The following CACNA2D1 variants were observed in gnomAD, a reference collection of about 807,000 sequenced individuals.
CACNA2D1 encodes the protein voltage-dependent calcium channel subunit alpha-2/delta-1.
Under a neutral mutation model 171.5 loss-of-function variants are expected in CACNA2D1, and 53 were observed. That is an observed-to-expected ratio of 0.31 (90% CI 0.25 to 0.39). CACNA2D1 has a LOEUF of 0.39. Ranked by LOEUF, CACNA2D1 falls within the 10% of genes least tolerant of loss-of-function variation. The pLI, the probability that CACNA2D1 is intolerant of heterozygous loss-of-function variation, is 1.00. For synonymous variants in CACNA2D1, 442 were observed against 443.1 expected (o/e 1.00, Z 0.03); for missense variants, 903 against 1,299.8 (o/e 0.69, Z 4.69).
At chr7:82,026,316 C>T (rs755144009) in intron 12 of CACNA2D1, among the ~76,000 whole-genome samples, 1 of 151,286 alleles carries the variant, frequency 6.6e-6, no homozygotes, top group Non-Finnish European at 1.5e-5. Flanking sequence ...TTATTAATGT[C>T]ATTTTGTTAT....
At chr7:82,138,449 G>GTTTTTTTTTTTTTTTT (rs5885271) in intron 4 of CACNA2D1, among the ~76,000 whole-genome samples, 2 of 101,578 alleles carry the variant, frequency 2.0e-5, no homozygotes, top group Admixed American at 1.1e-4. Flanking sequence ...TGTTTTTTTT[G>GTTTTTTTTTTTTTTTT]TTTTTTTTTT....
chr7:81,974,986 A>G (rs1327040575), intron 24 of CACNA2D1, among the ~76,000 whole-genome samples: 1 of 152,054 alleles, frequency 6.6e-6, no homozygotes, highest in Non-Finnish European at 1.5e-5. Context: ...TACCAATGCA[A>G]CAAACCTGCA....
intron 3 of CACNA2D1, among the ~76,000 whole-genome samples, chr7:82,256,430 T>C (rs1585238194): frequency 6.6e-6 from 1 of 152,242 alleles, no homozygotes; most frequent in African/African-American, 2.4e-5. Context: ...TCTTACATTG[T>C]ACAATTCATT....
intron 3 of CACNA2D1, among the ~76,000 whole-genome samples, chr7:82,182,894 G>A (rs571485760): frequency 1.3e-4 from 19 of 151,972 alleles, no homozygotes; most frequent in African/African-American, 3.4e-4. Context: ...AAAATTAGCC[G>A]GGTATGGTGG....
At chr7:82,192,820 A>C (rs1042431253) in intron 3 of CACNA2D1, among the ~76,000 whole-genome samples, 8 of 148,544 alleles carry the variant, frequency 5.4e-5, no homozygotes, top group Non-Finnish European at 8.9e-5. Context: ...CACACACACA[A>C]ACACTATACA....
chr7:81,959,460 T>C (rs1292709609), intron 37 of CACNA2D1, 103 bp from the exon 38 acceptor site: 1 of 829,190 alleles, frequency 1.2e-6, no homozygotes, highest in Non-Finnish European at 2.1e-6. Flanking sequence ...AGATAACTTA[T>C]ACATCATTAC....
intron 12 of CACNA2D1, among the ~76,000 whole-genome samples, chr7:82,030,240 C>G (rs897421488): frequency 6.6e-6 from 1 of 151,612 alleles, no homozygotes; most frequent in African/African-American, 2.4e-5. Flanking sequence ...ATAAATTCTT[C>G]ACTAATTCAA....
At chr7:82,426,908 G>C (rs527429609) in intron 1 of CACNA2D1, among the ~76,000 whole-genome samples, 12 of 152,312 alleles carry the variant, frequency 7.9e-5, no homozygotes, top group African/African-American at 2.6e-4. Context: ...GAGAGGGAGA[G>C]AGACCACCTC....
chr7:82,289,010 T>G (rs1007866724), intron 3 of CACNA2D1, among the ~76,000 whole-genome samples: 2 of 152,112 alleles, frequency 1.3e-5, no homozygotes, highest in African/African-American at 2.4e-5. Context: ...CCACTACCTA[T>G]CAGAAAGTCA....
Position 82,413,299 on chromosome 7 carries a change from G to A in CACNA2D1, c.95+30066C>T, listed in dbSNP as rs565173647. Among the ~76,000 whole-genome samples, 4 of 152,266 alleles carry A rather than the reference G, an allele frequency of 2.6e-5. No homozygotes were observed. The South Asian group carries it at 6.2e-4, about 24-fold the overall frequency. ...TATTTAACATTTACCCAAGGAAAAT[G>A]GGTTATCAGCAAGTTTATTTCTACT... is the stretch of plus-strand genomic sequence containing the variant. On this transcript the variant is annotated intron_variant, in intron 1 of 38. Coordinates refer to ENST00000356860, the MANE Select transcript of CACNA2D1 (RefSeq NM_000722.4).
intron 1 of CACNA2D1, among the ~76,000 whole-genome samples, chr7:82,364,422 T>C (rs1378102845): frequency 1.3e-5 from 2 of 152,164 alleles, no homozygotes; most frequent in African/African-American, 4.8e-5. Flanking sequence ...GTAAAAGCCC[T>C]GACTGGTTAA....
intron 1 of CACNA2D1, among the ~76,000 whole-genome samples, chr7:82,374,471 C>G (rs75126037): frequency 0.21 from 31,182 of 152,078 alleles, 3,340 homozygotes; most frequent in South Asian, 0.35. Flanking sequence ...CACATCCACA[C>G]GCACACACCC....
chr7:81,980,783 C>G (rs1399543678), intron 24 of CACNA2D1, among the ~76,000 whole-genome samples: 10 of 152,030 alleles, frequency 6.6e-5, no homozygotes, highest in African/African-American at 2.2e-4. Context: ...TACGACAGAA[C>G]TGGCAAGACT....
intron 3 of CACNA2D1, among the ~76,000 whole-genome samples, chr7:82,291,446 T>A (rs1309544368): frequency 2.9e-5 from 4 of 136,278 alleles, no homozygotes; most frequent in African/African-American, 1.1e-4. Context: ...ATATATATTT[T>A]TATTATATAT....
intron 11 of CACNA2D1, among the ~76,000 whole-genome samples, chr7:82,033,391 A>G (rs1292339836): frequency 6.6e-6 from 1 of 152,088 alleles, no homozygotes; most frequent in Non-Finnish European, 1.5e-5. Context: ...AGTTTATTAA[A>G]AAAATGAGCT....
intron 3 of CACNA2D1, among the ~76,000 whole-genome samples, chr7:82,234,466 C>T (rs552099631): frequency 3.9e-5 from 6 of 152,040 alleles, no homozygotes; most frequent in Non-Finnish European, 8.8e-5. Flanking sequence ...TACCTATTTA[C>T]ATAAAAAATT....
chr7:82,217,634 TCA>T (rs71522607), intron 3 of CACNA2D1, among the ~76,000 whole-genome samples: 44,828 of 139,900 alleles, frequency 0.32, 7,151 homozygotes, highest in Middle Eastern at 0.47. Flanking sequence ...TGGCACAGTT[TCA>T]CACACACACA....
chr7:82,153,535 T>C (rs1794062938), intron 4 of CACNA2D1, among the ~76,000 whole-genome samples: 1 of 152,088 alleles, frequency 6.6e-6, no homozygotes, highest in East Asian at 1.9e-4. Flanking sequence ...AAAAGACCCT[T>C]GGATCTAAAG....
intron 19 of CACNA2D1, among the ~76,000 whole-genome samples, chr7:81,995,821 G>T (rs1380918979): frequency 7.0e-6 from 1 of 143,768 alleles, no homozygotes; most frequent in African/African-American, 2.7e-5. Context: ...AAAAAAAAGT[G>T]CAAGGTTACA....
Sources: allele counts gnomAD v4.1 joint callset (sites outside exome capture counted in the v4.1 genomes callset), GRCh38; gene constraint gnomAD v4.1.1; transcripts MANE v1.5; gene names NCBI Gene and HGNC (gene_info 2026-07-23, HGNC 2026-07-21).